Variants in ISY1 observed in about 807,000 individuals in gnomAD.
ISY1 encodes the protein pre-mRNA-splicing factor ISY1 homolog.
A neutral mutation model predicts 54.4 loss-of-function variants in ISY1; 12 were observed. That is an observed-to-expected ratio of 0.22 (90% CI 0.14 to 0.36). The LOEUF (loss-of-function observed/expected upper bound fraction) is 0.36. Ranked by LOEUF, ISY1 falls within the 10% of genes least tolerant of loss-of-function variation. The pLI is 1.00. For missense variants in ISY1, 282 were observed against 342.2 expected (o/e 0.82, Z 1.39); for synonymous variants, 96 against 117.9 (o/e 0.81, Z 1.20).
chr3:129,135,438 C>T (rs80026738), intron 7 of ISY1, among the ~76,000 whole-genome samples: 1 of 152,020 alleles, frequency 6.6e-6, no homozygotes, highest in African/African-American at 2.4e-5. Context: ...TACTTGGACC[C>T]ATTTGTCCGT....
At chr3:129,138,409 G>A (rs1216192946) in intron 7 of ISY1, among the ~76,000 whole-genome samples, 6 of 151,810 alleles carry the variant, frequency 4.0e-5, no homozygotes, top group Admixed American at 2.6e-4. Flanking sequence ...GCTGAGGCAG[G>A]TGGATCACGA....
At chr3:129,142,573 T>C (rs1379091725) in intron 6 of ISY1, among the ~76,000 whole-genome samples, 1 of 152,238 alleles carries the variant, frequency 6.6e-6, no homozygotes, top group Non-Finnish European at 1.5e-5. Flanking sequence ...AAGTTCTCTG[T>C]ATATTTTTGC....
At position 129,156,974 on chromosome 3, in the gene ISY1, A is replaced by G. The variant is rs1052978075; in HGVS notation, c.79-54T>C. 5 of 1,596,536 alleles carry G rather than the reference A, an allele frequency of 3.1e-6. No individual in the cohort carries two copies. The African/African-American group carries it at 6.7e-5, about 21-fold the overall frequency. On this transcript the variant is annotated intron_variant, in intron 3 of 10. Transcript: ENST00000393295. ...TTATACTATTTACAAGTTTCAAACA[A>G]CATTCAGAACTGATTCAGGCCTTAA... is the stretch of plus-strand genomic sequence containing the variant.
At chr3:129,160,373 C>T (rs1468446330) in intron 1 of ISY1, among the ~76,000 whole-genome samples, 3 of 151,946 alleles carry the variant, frequency 2.0e-5, no homozygotes, top group Non-Finnish European at 4.4e-5. Context: ...ATTTACACGT[C>T]GTAAATGCTT....
At chr3:129,130,480 CT>C (rs1489194565) in intron 10 of ISY1, 69 bp downstream of exon 10, 1 of 1,576,812 alleles carries the variant, frequency 6.3e-7, no homozygotes, top group African/African-American at 1.4e-5. Flanking sequence ...CGAAAACCCA[CT>C]ACAGTGCTCT....
At chr3:129,149,320 T>C (rs1263400181) in intron 5 of ISY1, among the ~76,000 whole-genome samples, 2 of 149,854 alleles carry the variant, frequency 1.3e-5, no homozygotes, top group Non-Finnish European at 3.0e-5. Flanking sequence ...TCCCAGCTAC[T>C]TGGGAGGCTG....
Position 129,129,930 on chromosome 3 carries a change from C to A in ISY1, c.*151G>T, listed in dbSNP as rs978033256. The A allele has an allele frequency of 5.2e-6, 3 of 575,492 alleles. No individual in the cohort carries two copies. In the African/African-American group the frequency reaches 5.7e-5, roughly 11 times the overall value. 35.6% of individuals were successfully genotyped at this position (575,492 alleles called of 1,614,324 possible). ...ACCTACCAGGAAGACCAGGGACAGA[C>A]CCCTACCCTCCGGTCAACATGAGAC... On this transcript the variant is annotated 3_prime_UTR_variant, in exon 11 of 11. Coordinates refer to ENST00000393295, the MANE Select transcript of ISY1 (RefSeq NM_020701.4).
At position 129,130,609 on chromosome 3, in the gene ISY1, C is replaced by A; in HGVS notation, c.691G>T (p.Gly231Ter). ...AACTTCTGCTGGCTGTCGTCCCCTC[C>A]TTTCTCCTGGCTGCCTTCCTCGTCC... ...ESDEEGSQEK[G>*]GDDSQQKFIA... Residue 231 changes from glycine (G) to a stop codon, truncating the protein, a stop_gained, in exon 10 of 11, where the codon GGA (glycine) becomes TGA (stop). Transcript: ENST00000393295. LOFTEE classifies it high-confidence loss of function. The A allele has an allele frequency of 6.2e-7, 1 of 1,614,188 alleles. No homozygotes were observed. Among genetic ancestry groups the A allele is most frequent in the South Asian group, 1.1e-5 (1 of 91,080 alleles).
intron 7 of ISY1, among the ~76,000 whole-genome samples, chr3:129,136,778 C>G (rs750493409): frequency 1.3e-5 from 2 of 151,690 alleles, no homozygotes; most frequent in Non-Finnish European, 2.9e-5. Flanking sequence ...CAAGCTCCGC[C>G]TCCTGGGTTC....
chr3:129,146,014 T>A, intron 5 of ISY1, 141 bp from the exon 6 acceptor site: 1 of 700,060 alleles, frequency 1.4e-6, no homozygotes, highest in Non-Finnish European at 2.2e-6. Context: ...TCTAAATTGA[T>A]AAGAAAAACC....
At chr3:129,136,541 T>C (rs921864033) in intron 7 of ISY1, among the ~76,000 whole-genome samples, 6 of 152,022 alleles carry the variant, frequency 3.9e-5, no homozygotes, top group African/African-American at 1.2e-4. Context: ...CTCGCTCTTG[T>C]TGCTCAGGCT....
rs147642292 is a variant in ISY1, at chr3:129,129,860, A to G, written c.*221T>C. ...TCGCAACCTGTTGTATACACTCCAC[A>G]ATAAAAATAAATGGATCCACACAGT... is the stretch of plus-strand genomic sequence containing the variant. On this transcript the variant is annotated 3_prime_UTR_variant, in exon 11 of 11. Transcript: ENST00000393295. The G allele has an allele frequency of 9.9e-4, 400 of 406,006 alleles. 9 individuals are homozygous for G. In the East Asian group the frequency reaches 0.014, roughly 14 times the overall value. 25.2% of individuals were successfully genotyped at this position (406,006 alleles called of 1,614,324 possible).
At chr3:129,154,024 C>T (rs1168853380) in intron 5 of ISY1, among the ~76,000 whole-genome samples, 3 of 150,874 alleles carry the variant, frequency 2.0e-5, no homozygotes, top group Non-Finnish European at 4.4e-5. Flanking sequence ...GGGCGGATCA[C>T]GAGGTCAGGA....
At chr3:129,131,509 G>A (rs946526627) in intron 9 of ISY1, among the ~76,000 whole-genome samples, 4 of 152,228 alleles carry the variant, frequency 2.6e-5, no homozygotes, top group African/African-American at 9.6e-5. Flanking sequence ...TTCTGGCGCT[G>A]TGGTCCTGTT....
At chr3:129,130,473 A>G (rs1936205841) in intron 10 of ISY1, 77 bp downstream of exon 10, 12 of 1,548,824 alleles carry the variant, frequency 7.7e-6, no homozygotes, top group Non-Finnish European at 1.1e-5. Context: ...AGGACAACGA[A>G]AACCCACTAC....
At chr3:129,144,121 GA>G in intron 6 of ISY1, 2 of 425,348 alleles carry the variant, frequency 4.7e-6, no homozygotes, top group South Asian at 1.7e-5. Flanking sequence ...TGCCTCACAG[GA>G]AAAATAAAAT....
At chr3:129,157,010 T>A in intron 3 of ISY1, 90 bp from the exon 4 acceptor site, 1 of 1,392,454 alleles carries the variant, frequency 7.2e-7, no homozygotes, top group East Asian at 2.3e-5. Flanking sequence ...GCCTAAATCA[T>A]CTAATGGCCT....
intron 6 of ISY1, among the ~76,000 whole-genome samples, chr3:129,144,343 T>G (rs1936709432): frequency 6.6e-6 from 1 of 152,198 alleles, no homozygotes; most frequent in African/African-American, 2.4e-5. Context: ...GAAATGGGAG[T>G]GCCTTTCCTC....
At chr3:129,142,574 A>G (rs1383509085) in intron 6 of ISY1, among the ~76,000 whole-genome samples, 1 of 152,222 alleles carries the variant, frequency 6.6e-6, no homozygotes, top group East Asian at 1.9e-4. Context: ...AGTTCTCTGT[A>G]TATTTTTGCA....
Sources: allele counts gnomAD v4.1 joint callset (sites outside exome capture counted in the v4.1 genomes callset), GRCh38; gene constraint gnomAD v4.1.1; transcripts MANE v1.5; gene names NCBI Gene and HGNC (gene_info 2026-07-23, HGNC 2026-07-21).